JAZF1: variants seen among roughly 807,000 people sequenced by gnomAD.
JAZF1 encodes the protein juxtaposed with another zinc finger protein 1.
Under a neutral mutation model 26.4 loss-of-function variants are expected in JAZF1, and 8 were observed. The observed-to-expected ratio is 0.30, with a 90% CI of 0.18 to 0.55. The LOEUF is 0.55. Ranked by LOEUF, JAZF1 falls within the 20% of genes least tolerant of loss-of-function variation. The probability of loss-of-function intolerance (pLI) is 0.94; values close to 1 mark genes in which losing one functional copy is unlikely to be tolerated. For synonymous variants in JAZF1, 126 were observed against 122.3 expected, an observed-to-expected ratio of 1.03 and a Z score of -0.20; for missense variants, 199 against 322.0, an observed-to-expected ratio of 0.62 and a Z score of 2.92.
In JAZF1 at chr7:28,057,852, T is replaced by C. The variant is rs537205545; in HGVS notation, c.116-65871A>G. Among the ~76,000 whole-genome samples the C allele has an allele frequency of 2.6e-5, 4 of 152,366 alleles. No homozygotes were observed. In the South Asian group the frequency reaches 8.3e-4, roughly 32 times the overall value. On this transcript the variant is annotated intron_variant, in intron 1 of 4. Transcript: ENST00000283928. Reference sequence around the variant, plus strand: ...CTCTTTTTGTTTTCCTTGATCAATCTTGGCAGAGGTTTGTCAACTCTATTC... The same window carrying C: ...CTCTTTTTGTTTTCCTTGATCAATCCTGGCAGAGGTTTGTCAACTCTATTC...
intron 3 of JAZF1, among the ~76,000 whole-genome samples, chr7:27,867,768 G>A (rs147266400): frequency 1.4e-3 from 207 of 152,332 alleles, no homozygotes; most frequent in African/African-American, 4.9e-3. Flanking sequence ...AACAAAGACC[G>A]AGGGAGAGGT....
At chr7:28,161,746 T>A (rs1023918621) in intron 1 of JAZF1, among the ~76,000 whole-genome samples, 1 of 152,260 alleles carries the variant, frequency 6.6e-6, no homozygotes, top group East Asian at 1.9e-4. Context: ...GCTAACTAGC[T>A]ATAAAAACCA....
intron 1 of JAZF1, among the ~76,000 whole-genome samples, chr7:28,155,208 A>G (rs1783164402): frequency 6.6e-6 from 1 of 152,186 alleles, no homozygotes; most frequent in Non-Finnish European, 1.5e-5. Context: ...TCTTGTTTCA[A>G]CCATTTTAGC....
At chr7:27,983,297 T>C (rs1470421230) in intron 2 of JAZF1, among the ~76,000 whole-genome samples, 1 of 152,174 alleles carries the variant, frequency 6.6e-6, no homozygotes, top group East Asian at 1.9e-4. Context: ...AACTACGTGA[T>C]GAATGCACAA....
At chr7:28,037,158 A>C (rs985837342) in intron 1 of JAZF1, among the ~76,000 whole-genome samples, 2 of 152,176 alleles carry the variant, frequency 1.3e-5, no homozygotes, top group Non-Finnish European at 2.9e-5. Context: ...GAAAAGAAAA[A>C]GCAGCAAGAC....
intron 2 of JAZF1, among the ~76,000 whole-genome samples, chr7:27,957,671 A>G (rs767294491): frequency 6.6e-6 from 1 of 152,216 alleles, no homozygotes; most frequent in African/African-American, 2.4e-5. Flanking sequence ...CCCCTGCTCC[A>G]TACTCAGACT....
At chr7:27,937,326 T>C (rs1339486531) in intron 2 of JAZF1, among the ~76,000 whole-genome samples, 1 of 152,202 alleles carries the variant, frequency 6.6e-6, no homozygotes, top group Non-Finnish European at 1.5e-5. Context: ...GTGCACATTC[T>C]TTACCCTAGC....
intron 1 of JAZF1, among the ~76,000 whole-genome samples, chr7:28,171,755 C>T (rs1445339442): frequency 6.6e-6 from 1 of 152,110 alleles, no homozygotes; most frequent in Middle Eastern, 3.2e-3. Flanking sequence ...AACTCCAAAG[C>T]GGAAGGCAGT....
intron 2 of JAZF1, among the ~76,000 whole-genome samples, chr7:27,972,798 G>A (rs1219719817): frequency 6.6e-6 from 1 of 151,790 alleles, no homozygotes; most frequent in African/African-American, 2.4e-5. Flanking sequence ...TGACCTGGAA[G>A]GATGTTACAC....
rs59980843 is a variant in JAZF1 at position 28,031,563 on chromosome 7, T to C, written c.116-39582A>G. 0.027 allele frequency among the ~76,000 whole-genome samples: 4,067 copies of C among 152,276 alleles called. 321 individuals carry two copies. The East Asian group carries it at 0.32, about 12-fold the overall frequency. On this transcript the variant is annotated intron_variant, in intron 1 of 4. Coordinates refer to ENST00000283928, the MANE Select transcript of JAZF1 (RefSeq NM_175061.4). ...TCCTGCAGAGCGTACCATTTGTACA[T>C]GTACGTTTGTGTATGCATAACTTTT...
At chr7:28,130,438 G>A (rs1782772582) in intron 1 of JAZF1, among the ~76,000 whole-genome samples, 1 of 152,112 alleles carries the variant, frequency 6.6e-6, no homozygotes, top group Non-Finnish European at 1.5e-5. Flanking sequence ...CATAAACTGA[G>A]AGCTAAACTC....
intron 1 of JAZF1, among the ~76,000 whole-genome samples, chr7:28,012,506 A>T (rs1263394735): frequency 2.6e-5 from 4 of 152,218 alleles, no homozygotes. Flanking sequence ...TTGGGATACA[A>T]ATTTGTTGTT....
intron 2 of JAZF1, among the ~76,000 whole-genome samples, chr7:27,947,770 G>T (rs150937467): frequency 8.4e-4 from 128 of 152,194 alleles, no homozygotes; most frequent in African/African-American, 3.0e-3. Context: ...GCCTTGGAGT[G>T]CTTGATGAAA....
intron 1 of JAZF1, among the ~76,000 whole-genome samples, chr7:28,099,757 C>T (rs1202640355): frequency 5.3e-5 from 8 of 152,132 alleles, no homozygotes; most frequent in East Asian, 1.9e-4. Context: ...ATTACAGGCA[C>T]GATCCACCGC....
intron 2 of JAZF1, among the ~76,000 whole-genome samples, chr7:27,910,733 A>G (rs1201750377): frequency 2.6e-5 from 4 of 152,154 alleles, no homozygotes; most frequent in African/African-American, 9.7e-5. Flanking sequence ...GGAATGGTCC[A>G]CAGCAGAGGG....
intron 1 of JAZF1, among the ~76,000 whole-genome samples, chr7:28,085,891 C>T (rs930288504): frequency 6.6e-6 from 1 of 152,186 alleles, no homozygotes; most frequent in East Asian, 1.9e-4. Context: ...CATTTATTTA[C>T]ACCTGCTGTG....
intron 2 of JAZF1, among the ~76,000 whole-genome samples, chr7:27,952,018 T>C (rs930350511): frequency 4.6e-5 from 7 of 152,128 alleles, no homozygotes; most frequent in African/African-American, 1.7e-4. Context: ...CATATACCTG[T>C]AGGATGAGAA....
intron 1 of JAZF1, among the ~76,000 whole-genome samples, chr7:28,039,282 C>A (rs1783349080): frequency 6.6e-6 from 1 of 152,138 alleles, no homozygotes. Flanking sequence ...CAAACACACA[C>A]ACACACCCCT....
intron 2 of JAZF1, among the ~76,000 whole-genome samples, chr7:27,964,994 G>A (rs560322528): frequency 2.6e-5 from 4 of 152,248 alleles, no homozygotes; most frequent in Admixed American, 6.5e-5. Context: ...TTATCAGCAT[G>A]AGAATGACTA....
Sources: allele counts gnomAD v4.1 joint callset (sites outside exome capture counted in the v4.1 genomes callset), GRCh38; gene constraint gnomAD v4.1.1; transcripts MANE v1.5; gene names NCBI Gene and HGNC (gene_info 2026-07-23, HGNC 2026-07-21).